The following ZMAT3 variants were observed in gnomAD, a reference collection of about 807,000 sequenced individuals.
The protein encoded by ZMAT3 is zinc finger matrin-type protein 3.
In ZMAT3, 17 loss-of-function variants were observed where a neutral mutation model predicts 32.3. That is an observed-to-expected ratio of 0.53 (90% CI 0.36 to 0.79). The LOEUF is 0.79. Ranked by LOEUF, ZMAT3 falls within the 30% of genes least tolerant of loss-of-function variation. The pLI, the probability that ZMAT3 is intolerant of heterozygous loss-of-function variation, is 0.00. For missense variants in ZMAT3, 329 were observed against 359.7 expected, an observed-to-expected ratio of 0.91 and a Z score of 0.69; for synonymous variants, 120 against 133.1, an observed-to-expected ratio of 0.90 and a Z score of 0.68.
chr3:179,071,820 G>C (rs1167607886), upstream of ZMAT3: 2 of 152,830 alleles, frequency 1.3e-5, no homozygotes, highest in Non-Finnish European at 2.9e-5. Context: ...GCGGAACCGG[G>C]AGGCGGTGGA....
intron 2 of ZMAT3, among the ~76,000 whole-genome samples, chr3:179,038,912 C>T (rs9834761): frequency 0.036 from 5,514 of 152,354 alleles, 262 homozygotes; most frequent in African/African-American, 0.1. Flanking sequence ...GATACTCTCC[C>T]GTGCCTGGCT....
rs1177829489 is a variant in ZMAT3, at chr3:179,023,696, C to CTATATATATA, written c.*1311_*1320dup. 24 of 27,390 alleles carry CTATATATATA rather than the reference C, an allele frequency of 8.8e-4. 4 individuals are homozygous for CTATATATATA. Among genetic ancestry groups the CTATATATATA allele is most frequent in the African/African-American group, 4.0e-3 (24 of 5,988 alleles). 1.7% of individuals were successfully genotyped at this position (27,390 alleles called of 1,614,324 possible). A position where few individuals can be genotyped will look rare whatever the true frequency, so the allele number is the denominator to read the frequency against. On this transcript the variant is annotated 3_prime_UTR_variant, in exon 6 of 6. Transcript: ENST00000311417. Reference sequence around the variant, plus strand: ...TCCTAAAAACTGCTGGAAAATATATCTATATATATATATATTTTTTTTTTT... The same window carrying CTATATATATA: ...TCCTAAAAACTGCTGGAAAATATATCTATATATATATATATATATATATATTTTTTTTTTT...
At chr3:179,068,208 C>G (rs1721520513) in intron 1 of ZMAT3, among the ~76,000 whole-genome samples, 1 of 152,168 alleles carries the variant, frequency 6.6e-6, no homozygotes, top group Non-Finnish European at 1.5e-5. Flanking sequence ...CATGCACAGA[C>G]AAAAACACCA....
chr3:179,062,218 T>C (rs542886844), intron 2 of ZMAT3, among the ~76,000 whole-genome samples: 8 of 152,220 alleles, frequency 5.3e-5, no homozygotes, highest in African/African-American at 1.2e-4. Context: ...CAGCGGCCTA[T>C]AGGAATGGAA....
At chr3:179,047,521 C>A (rs933147438) in intron 2 of ZMAT3, among the ~76,000 whole-genome samples, 5 of 152,148 alleles carry the variant, frequency 3.3e-5, no homozygotes, top group African/African-American at 1.2e-4. Flanking sequence ...TCTGAATTGC[C>A]AGAAAAAGAA....
chr3:179,032,236 G>A (rs576954769), intron 2 of ZMAT3, among the ~76,000 whole-genome samples: 1 of 151,710 alleles, frequency 6.6e-6, no homozygotes, highest in African/African-American at 2.4e-5. Flanking sequence ...GCTCCTGACC[G>A]CGAGTGATCT....
chr3:179,047,040 A>G (rs981105768), intron 2 of ZMAT3, among the ~76,000 whole-genome samples: 1 of 152,138 alleles, frequency 6.6e-6, no homozygotes, highest in South Asian at 2.1e-4. Context: ...CTGGCTGGAG[A>G]CCAACCAACA....
At chr3:179,026,379 CTTTTT>C (rs1235818885) in intron 5 of ZMAT3, among the ~76,000 whole-genome samples, 2 of 65,924 alleles carry the variant, frequency 3.0e-5, no homozygotes, top group East Asian at 4.8e-4. Flanking sequence ...ATGAATTGTG[CTTTTT>C]TTTTTTTTTT....
chr3:179,058,196 G>A (rs894497141), intron 2 of ZMAT3, among the ~76,000 whole-genome samples: 8 of 152,154 alleles, frequency 5.3e-5, no homozygotes, highest in Non-Finnish European at 1.0e-4. Flanking sequence ...TGGACATGAC[G>A]TGAACGGCAT....
chr3:179,037,127 C>CA (rs1719637996), intron 2 of ZMAT3, among the ~76,000 whole-genome samples: 1 of 150,698 alleles, frequency 6.6e-6, no homozygotes, highest in East Asian at 2.0e-4. Flanking sequence ...TGTCCATGTA[C>CA]CTTATTCCTC....
At chr3:179,068,046 T>C (rs72622564) in intron 1 of ZMAT3, among the ~76,000 whole-genome samples, 1 of 151,948 alleles carries the variant, frequency 6.6e-6, no homozygotes, top group Non-Finnish European at 1.5e-5. Context: ...CTTGGCACAG[T>C]TCCAACTGCT....
chr3:179,038,564 G>A (rs184159884), intron 2 of ZMAT3, among the ~76,000 whole-genome samples: 4 of 152,172 alleles, frequency 2.6e-5, no homozygotes, highest in Admixed American at 6.5e-5. Flanking sequence ...GTGACAGAGC[G>A]AGACCCTGTC....
rs1405508650 is a variant in ZMAT3, at chr3:179,071,634, C to CCGCCCGGGA, written c.-106_-98dup. ...CGCGCCGGCAGTCTCCGCGCCGCGT[C>CCGCCCGGGA]CGCCCGGGACGCCCGCGACGCCCGC... On this transcript the variant is annotated 5_prime_UTR_variant, in exon 1 of 6. Transcript: ENST00000311417. 6.6e-6 allele frequency: 1 copy of CCGCCCGGGA among 152,166 alleles called. No individual in the cohort carries two copies. The highest frequency in any genetic ancestry group is 1.5e-5 in the Non-Finnish European group (1 of 68,072). 9.4% of individuals were successfully genotyped at this position (152,166 alleles called of 1,614,324 possible).
At chr3:179,035,689 C>A (rs1315111860) in intron 2 of ZMAT3, among the ~76,000 whole-genome samples, 2 of 151,980 alleles carry the variant, frequency 1.3e-5, no homozygotes, top group Non-Finnish European at 2.9e-5. Context: ...CTGTTCTAAT[C>A]CCAATGCCTA....
rs1718474233 is a variant in ZMAT3 at position 179,020,174 on chromosome 3, C to G, written c.*4843G>C. 2 of 152,172 alleles carry G rather than the reference C, an allele frequency of 1.3e-5. No homozygotes were observed. Among genetic ancestry groups the G allele is most frequent in the African/African-American group, 4.8e-5 (2 of 41,450 alleles). 9.4% of individuals were successfully genotyped at this position (152,172 alleles called of 1,614,324 possible). A position where few individuals can be genotyped will look rare whatever the true frequency, so the allele number is the denominator to read the frequency against. ...ATAGCAATAATTCTGTCTCTCTTCT[C>G]TCTGTGAAATGCTAACACTTGCTAA... is the stretch of plus-strand genomic sequence containing the variant. On this transcript the variant is annotated 3_prime_UTR_variant, in exon 6 of 6. Transcript: ENST00000311417.
rs1177755757 is a variant in ZMAT3, at chr3:179,029,159, C to CA, written c.391-1348dup. 6.8e-3 allele frequency among the ~76,000 whole-genome samples: 735 copies of CA among 108,120 alleles called. 7 individuals carry two copies. Among genetic ancestry groups the CA allele is most frequent in the Admixed American group, 0.015 (159 of 10,304 alleles). The allele number at this position is 108,120 out of a possible 152,430, so 70.9% of individuals were successfully genotyped here. A position where few individuals can be genotyped will look rare whatever the true frequency, so the allele number is the denominator to read the frequency against. ...GGGCAACAAGAGCAAAACTCCATCT[C>CA]AAAAAAAAAAAAAAAGAAAGAAATT... On this transcript the variant is annotated intron_variant, in intron 3 of 5. Coordinates refer to ENST00000311417, the MANE Select transcript of ZMAT3 (RefSeq NM_022470.4).
At chr3:179,056,049 C>T (rs185409521) in intron 2 of ZMAT3, among the ~76,000 whole-genome samples, 427 of 152,210 alleles carry the variant, frequency 2.8e-3, no homozygotes, top group Non-Finnish European at 5.0e-3. Flanking sequence ...CAATGATGTC[C>T]ACTATAACAC....
In ZMAT3 at chr3:179,025,102, C is replaced by T. The variant is rs748339514; in HGVS notation, c.785G>A (p.Arg262Gln). Residue 262 changes from arginine (R) to glutamine (Q), a missense_variant, in exon 6 of 6, where the codon CGG (arginine) becomes CAG (glutamine). By Grantham distance (43) the Arg-to-Gln change is conservative. Coordinates refer to ENST00000311417, the MANE Select transcript of ZMAT3 (RefSeq NM_022470.4). ...NVGAGEEMEF[R>Q]QHLESKQHKS... ...ATGTTGCTTGCTCTCTAAATGCTGC[C>T]GGAATTCCATCTCTTCGCCAGCTCC... 4.3e-6 allele frequency: 7 copies of T among 1,614,068 alleles called. No individual in the cohort carries two copies. Among genetic ancestry groups the T allele is most frequent in the Non-Finnish European group, 5.1e-6 (6 of 1,180,048 alleles).
intron 2 of ZMAT3, among the ~76,000 whole-genome samples, chr3:179,044,615 G>T (rs556034380): frequency 6.6e-6 from 1 of 152,138 alleles, no homozygotes; most frequent in South Asian, 2.1e-4. Context: ...CCACACTCCC[G>T]CCTGGACGAC....
Sources: allele counts gnomAD v4.1 joint callset (sites outside exome capture counted in the v4.1 genomes callset), GRCh38; gene constraint gnomAD v4.1.1; transcripts MANE v1.5; gene names NCBI Gene and HGNC (gene_info 2026-07-23, HGNC 2026-07-21).